The following LAMA2 variants were observed in gnomAD, a reference collection of about 807,000 sequenced individuals.
The protein encoded by LAMA2 is laminin subunit alpha-2.
LAMA2 carries 269 observed loss-of-function variants against 364.8 expected under a neutral mutation model. That is an observed-to-expected ratio of 0.74 (90% CI 0.67 to 0.82). The LOEUF (loss-of-function observed/expected upper bound fraction) is 0.82, where lower values mean the gene tolerates loss of function less well. Among genes scored for constraint, LAMA2 ranks in the 40% least tolerant of loss-of-function variants. The pLI is 0.00. For synonymous variants in LAMA2, 1,379 were observed against 1,370.6 expected (o/e 1.01, Z -0.14); for missense variants, 3,807 against 3,873.2 (o/e 0.98, Z 0.45).
intron 1 of LAMA2, among the ~76,000 whole-genome samples, chr6:128,968,007 T>C (rs758073495): frequency 1.3e-5 from 2 of 152,180 alleles, no homozygotes; most frequent in African/African-American, 2.4e-5. Context: ...TTTTGCTCTC[T>C]AAAAATTTGC....
At chr6:129,048,416 T>G (rs1302664218) in intron 1 of LAMA2, among the ~76,000 whole-genome samples, 1 of 152,000 alleles carries the variant, frequency 6.6e-6, no homozygotes, top group African/African-American at 2.4e-5. Context: ...GCCATGAGAT[T>G]TAGTCAGGAA....
At chr6:129,263,696 A>C (rs571714508) in intron 15 of LAMA2, among the ~76,000 whole-genome samples, 88 of 152,240 alleles carry the variant, frequency 5.8e-4, no homozygotes, top group Non-Finnish European at 9.9e-4. Context: ...GCCTTTCAGC[A>C]GAGTAGTGGA....
chr6:128,890,061 T>C (rs992183076), intron 1 of LAMA2, among the ~76,000 whole-genome samples: 2 of 152,304 alleles, frequency 1.3e-5, no homozygotes, highest in Non-Finnish European at 1.5e-5. Flanking sequence ...GAAATGTACC[T>C]TGTGCAATGT....
intron 8 of LAMA2, chr6:129,157,449 C>T: frequency 1.3e-6 from 2 of 1,534,402 alleles, no homozygotes; most frequent in Non-Finnish European, 1.8e-6. Context: ...ATCCTTATTC[C>T]ACTCTAATTC....
rs112120067 is a variant in LAMA2, at chr6:129,050,081, T to A, written c.276T>A (p.Asn92Lys). 1 of 1,614,064 alleles carries A rather than the reference T, an allele frequency of 6.2e-7. No homozygotes were observed. Among genetic ancestry groups the A allele is most frequent in the Non-Finnish European group, 8.5e-7 (1 of 1,180,024 alleles). Reference protein sequence around the residue: ...QCRICNQNSSNPNQRHPITNA... With the variant: ...QCRICNQNSSKPNQRHPITNA... ...GAATCTGCAATCAAAACAGCAGCAA[T>A]CCAAACCGTATGTATTTTAGTGTGT... Residue 92 changes from asparagine (N) to lysine (K), a missense_variant, in exon 2 of 65, where the codon AAT (asparagine) becomes AAA (lysine). Transcript: ENST00000421865.
At chr6:128,922,070 G>A (rs567715767) in intron 1 of LAMA2, among the ~76,000 whole-genome samples, 3 of 152,196 alleles carry the variant, frequency 2.0e-5, no homozygotes, top group Admixed American at 2.0e-4. Flanking sequence ...GTATTCCATG[G>A]TGTATATGTG....
chr6:129,328,376 C>T lies in LAMA2; in HGVS notation c.4275C>T (p.His1425=). 2 of 1,614,212 alleles carry T rather than the reference C, an allele frequency of 1.2e-6. No individual in the cohort carries two copies. Among genetic ancestry groups the T allele is most frequent in the Non-Finnish European group, 1.7e-6 (2 of 1,180,024 alleles). Residue 1425 remains histidine, a synonymous_variant, in exon 29 of 65, where the codon CAC becomes CAT. Transcript: ENST00000421865. ...GTCVPCQCNG[H]SSLCDPETSI... ...GTGTTCCATGTCAATGTAATGGACA[C>T]AGCAGCCTGTGTGACCCTGAAACAT...
At chr6:129,022,635 A>G (rs1443401552) in intron 1 of LAMA2, among the ~76,000 whole-genome samples, 1 of 152,176 alleles carries the variant, frequency 6.6e-6, no homozygotes, top group African/African-American at 2.4e-5. Context: ...ATGCATAAGG[A>G]GTGCCCAGAT....
Position 129,440,852 on chromosome 6 carries a change from C to T in LAMA2, c.6122C>T (p.Ala2041Val), listed in dbSNP as rs750040135. ...AAKLQAVKDKARQANDTAKDV... is the reference protein window; with the variant it reads ...AAKLQAVKDKVRQANDTAKDV... ...AAACTGCAAGCTGTTAAGGACAAAG[C>T]CAGACAAGCCAACGACACAGCTAAA... Residue 2041 changes from alanine (A) to valine (V), a missense_variant, in exon 43 of 65, where the codon GCC becomes GTC. Physicochemically the swap from Ala to Val is moderately conservative, Grantham distance 64. Around this residue, in one of 3 missense-constraint regions of LAMA2, gnomAD observed 3,333 missense variants for 3,345.7 expected, o/e 1.00. Coordinates refer to ENST00000421865, the MANE Select transcript of LAMA2 (RefSeq NM_000426.4). The T allele has an allele frequency of 6.8e-6, 11 of 1,613,892 alleles. No individual in the cohort carries two copies. Among genetic ancestry groups the T allele is most frequent in the South Asian group, 6.6e-5 (6 of 91,076 alleles).
chr6:129,027,982 G>A (rs1328090201), intron 1 of LAMA2, among the ~76,000 whole-genome samples: 2 of 151,860 alleles, frequency 1.3e-5, no homozygotes, highest in African/African-American at 2.4e-5. Context: ...GAGGAATGGG[G>A]ACTTCTGTGG....
chr6:128,912,599 A>G (rs575828801), intron 1 of LAMA2, among the ~76,000 whole-genome samples: 31 of 152,374 alleles, frequency 2.0e-4, no homozygotes, highest in African/African-American at 7.2e-4. Context: ...CAATTTATTC[A>G]TTAAATAAGA....
chr6:128,926,513 T>C (rs778968179), intron 1 of LAMA2, among the ~76,000 whole-genome samples: 7 of 152,226 alleles, frequency 4.6e-5, no homozygotes, highest in Non-Finnish European at 1.0e-4. Context: ...ACTCTAATGC[T>C]TTAGTAGGCT....
chr6:128,974,482 T>C (rs1340136579), intron 1 of LAMA2, among the ~76,000 whole-genome samples: 1 of 152,162 alleles, frequency 6.6e-6, no homozygotes, highest in Non-Finnish European at 1.5e-5. Context: ...TAAATTTCAG[T>C]TAAAGGTTTT....
intron 16 of LAMA2, among the ~76,000 whole-genome samples, chr6:129,268,931 C>T (rs1787722913): frequency 6.6e-6 from 1 of 152,014 alleles, no homozygotes; most frequent in Admixed American, 6.6e-5. Flanking sequence ...ATACAATACA[C>T]AAAGAGGAGA....
At chr6:128,964,991 A>G (rs1006264274) in intron 1 of LAMA2, among the ~76,000 whole-genome samples, 1 of 152,012 alleles carries the variant, frequency 6.6e-6, no homozygotes, top group African/African-American at 2.4e-5. Flanking sequence ...AGTACAGAAT[A>G]CATTCCTGTT....
chr6:128,948,500 T>C (rs566391928), intron 1 of LAMA2, among the ~76,000 whole-genome samples: 1 of 152,266 alleles, frequency 6.6e-6, no homozygotes, highest in South Asian at 2.1e-4. Context: ...ACACACACTA[T>C]GCTTGAGTCA....
At chr6:129,511,050 G>C (rs1451469673) in intron 62 of LAMA2, among the ~76,000 whole-genome samples, 4 of 151,998 alleles carry the variant, frequency 2.6e-5, no homozygotes. Context: ...CATCCTGCCT[G>C]GGCTCTTATA....
Position 129,026,681 on chromosome 6 carries a change from G to C in LAMA2, c.113-23237G>C, listed in dbSNP as rs1243055157. Among the ~76,000 whole-genome samples the C allele has an allele frequency of 2.0e-5, 3 of 152,110 alleles. No homozygotes were observed. The East Asian group carries it at 5.8e-4, about 29-fold the overall frequency. ...CTAATGTGGGAAAGTGAAATACAAG[G>C]GTTTGAAATGGTTCTGGGGATGCAG... On this transcript the variant is annotated intron_variant, in intron 1 of 64. Coordinates refer to ENST00000421865, the MANE Select transcript of LAMA2 (RefSeq NM_000426.4).
At chr6:129,024,685 C>A (rs1326434097) in intron 1 of LAMA2, among the ~76,000 whole-genome samples, 1 of 151,994 alleles carries the variant, frequency 6.6e-6, no homozygotes, top group Non-Finnish European at 1.5e-5. Context: ...CATGAGCCAC[C>A]GTGCCTGGCC....
Sources: gnomAD v4.1 joint callset for allele counts (sites outside exome capture counted in the v4.1 genomes callset) on GRCh38, gnomAD v4.1.1 for gene constraint, gnomAD v4.1.1 regional missense constraint, MANE v1.5 for transcripts, NCBI Gene and HGNC (gene_info 2026-07-23, HGNC 2026-07-21) for gene names.